The following BANK1 variants were observed in gnomAD, a reference collection of about 807,000 sequenced individuals.
The protein encoded by BANK1 is B-cell scaffold protein with ankyrin repeats.
Under a neutral mutation model 94.5 loss-of-function variants are expected in BANK1, and 95 were observed. The observed-to-expected ratio is 1.00, with a 90% CI of 0.85 to 1.19. BANK1 has a LOEUF of 1.19. Among genes scored for constraint, BANK1 ranks in the 50% most tolerant of loss-of-function variants. The pLI is 0.00. For synonymous variants in BANK1, 334 were observed against 308.4 expected (o/e 1.08, Z -0.87); for missense variants, 987 against 932.2 (o/e 1.06, Z -0.77).
rs1454010016 is a variant in BANK1 at position 102,063,097 on chromosome 4, A to G, written c.2171A>G (p.Asp724Gly). The change falls in exon 13 of 17, where the codon GAC becomes GGC. Residue 724 changes from aspartate to glycine, a missense_variant. By Grantham distance (94) the Asp-to-Gly change is moderately conservative (BLOSUM62 -1). Coordinates refer to ENST00000322953, the MANE Select transcript of BANK1 (RefSeq NM_017935.5). ...IQQEKLRQLRDCIIGKRPEEE... is the reference protein window; with the variant it reads ...IQQEKLRQLRGCIIGKRPEEE... ...AAGGAGAAATTACGACAACTACGAGACTGCATTATTGGGAAAAGGCCAGAA... is the reference window on the plus strand; with the variant it reads ...AAGGAGAAATTACGACAACTACGAGGCTGCATTATTGGGAAAAGGCCAGAA... The G allele has an allele frequency of 1.2e-6, 2 of 1,613,814 alleles. No homozygotes were observed. The highest frequency in any genetic ancestry group is 2.2e-5 in the South Asian group (2 of 91,062).
At chr4:102,061,647 T>C (rs1271944225) in intron 12 of BANK1, 2 of 152,178 alleles carry the variant, frequency 1.3e-5, no homozygotes, top group Non-Finnish European at 2.9e-5. Context: ...ATAATAACGT[T>C]TTCCATTTAG....
At chr4:102,047,619 G>C (rs1483406636) in intron 11 of BANK1, among the ~76,000 whole-genome samples, 3 of 152,092 alleles carry the variant, frequency 2.0e-5, no homozygotes, top group Non-Finnish European at 4.4e-5. Context: ...AGAATGAAGA[G>C]AGGAGATTTT....
intron 7 of BANK1, among the ~76,000 whole-genome samples, chr4:101,936,696 A>G (rs1400455350): frequency 6.6e-6 from 1 of 151,654 alleles, no homozygotes; most frequent in Non-Finnish European, 1.5e-5. Context: ...AATAACAGAC[A>G]TATGAAAAGT....
chr4:101,818,814 T>C (rs1032941173), intron 1 of BANK1, among the ~76,000 whole-genome samples: 1 of 151,970 alleles, frequency 6.6e-6, no homozygotes, highest in African/African-American at 2.4e-5. Flanking sequence ...ATCTGTAGTT[T>C]CAGGGATCCG....
At chr4:102,042,601 T>A (rs988937383) in intron 10 of BANK1, among the ~76,000 whole-genome samples, 1 of 152,014 alleles carries the variant, frequency 6.6e-6, no homozygotes, top group African/African-American at 2.4e-5. Flanking sequence ...GATATGTCCT[T>A]GATCTTATAT....
At chr4:101,811,145 AGCT>A (rs1477576355) in intron 1 of BANK1, among the ~76,000 whole-genome samples, 3 of 152,182 alleles carry the variant, frequency 2.0e-5, no homozygotes, top group Admixed American at 2.0e-4. Context: ...TCTTTGTGCT[AGCT>A]GCTGTGTGCT....
intron 10 of BANK1, among the ~76,000 whole-genome samples, chr4:102,038,511 C>A (rs547829347): frequency 3.7e-4 from 56 of 152,156 alleles, no homozygotes; most frequent in Middle Eastern, 6.8e-3. Flanking sequence ...AGGAGACTAA[C>A]CCCCAGTCCA....
chr4:101,881,295 A>G (rs1728667203), intron 5 of BANK1, among the ~76,000 whole-genome samples: 1 of 152,154 alleles, frequency 6.6e-6, no homozygotes, highest in Non-Finnish European at 1.5e-5. Context: ...TCTCAAAAGA[A>G]GACGTACAGA....
At chr4:101,887,840 G>A (rs1404040471) in intron 5 of BANK1, among the ~76,000 whole-genome samples, 1 of 152,048 alleles carries the variant, frequency 6.6e-6, no homozygotes, top group Non-Finnish European at 1.5e-5. Context: ...GTTGATAAAA[G>A]AAAATATCTC....
intron 6 of BANK1, among the ~76,000 whole-genome samples, chr4:101,898,166 TA>T (rs1166142286): frequency 6.6e-6 from 1 of 151,838 alleles, no homozygotes; most frequent in East Asian, 1.9e-4. Flanking sequence ...ATATATATAA[TA>T]AGAATATGCA....
At chr4:101,990,107 C>T (rs1209551651) in intron 7 of BANK1, among the ~76,000 whole-genome samples, 1 of 152,088 alleles carries the variant, frequency 6.6e-6, no homozygotes, top group African/African-American at 2.4e-5. Flanking sequence ...AATGACTGCA[C>T]TAGTGAAAAA....
chr4:101,928,098 AT>A (rs1453026533), intron 7 of BANK1, among the ~76,000 whole-genome samples: 1 of 151,656 alleles, frequency 6.6e-6, no homozygotes, highest in Non-Finnish European at 1.5e-5. Context: ...AAAATTAGTT[AT>A]CATAATAATA....
At chr4:101,950,399 A>G (rs1255397209) in intron 7 of BANK1, among the ~76,000 whole-genome samples, 1 of 152,142 alleles carries the variant, frequency 6.6e-6, no homozygotes, top group Admixed American at 6.6e-5. Context: ...CTGAGATTCC[A>G]CAGATTTAAA....
At chr4:101,988,401 C>T (rs1725585899) in intron 7 of BANK1, among the ~76,000 whole-genome samples, 1 of 152,142 alleles carries the variant, frequency 6.6e-6, no homozygotes, top group Non-Finnish European at 1.5e-5. Context: ...TTCATAATTA[C>T]ACATATGGTA....
Position 101,803,977 on chromosome 4 carries a change from G to A in BANK1, c.70+13027G>A, listed in dbSNP as rs530220061. Among the ~76,000 whole-genome samples the A allele has an allele frequency of 4.1e-3, 458 of 111,062 alleles. 1 individual carries two copies. The highest frequency in any genetic ancestry group is 9.2e-3 in the Admixed American group (72 of 7,794). 72.9% of individuals were successfully genotyped at this position (111,062 alleles called of 152,430 possible). ...CCCGCCACTGCACTCCAGCCTGGGC[G>A]ACAGAGCGAGACTCCGTCTCAAAAA... On this transcript the variant is annotated intron_variant, in intron 1 of 16. Coordinates refer to ENST00000322953, the MANE Select transcript of BANK1 (RefSeq NM_017935.5).
intron 5 of BANK1, among the ~76,000 whole-genome samples, chr4:101,892,684 CTT>C (rs1176986374): frequency 6.6e-6 from 1 of 151,784 alleles, no homozygotes; most frequent in Admixed American, 6.6e-5. Context: ...GATGAGCAAA[CTT>C]TATACTATTT....
chr4:102,038,353 A>G (rs1168320440), intron 10 of BANK1, among the ~76,000 whole-genome samples: 1 of 152,200 alleles, frequency 6.6e-6, no homozygotes, highest in South Asian at 2.1e-4. Flanking sequence ...AGAGTCTTCC[A>G]TTGGCTGCCC....
intron 16 of BANK1, 23 bp downstream of exon 16, chr4:102,073,771 T>G (rs575092079): frequency 1.3e-6 from 2 of 1,580,086 alleles, no homozygotes; most frequent in South Asian, 2.3e-5. Flanking sequence ...CTGTGTATAT[T>G]TTTTAGAAAA....
chr4:101,814,825 C>T (rs1725847599), intron 1 of BANK1, among the ~76,000 whole-genome samples: 2 of 152,116 alleles, frequency 1.3e-5, no homozygotes, highest in African/African-American at 4.8e-5. Flanking sequence ...TATAAAAACA[C>T]ACCATAATAT....
Sources: allele counts gnomAD v4.1 joint callset (sites outside exome capture counted in the v4.1 genomes callset), GRCh38; gene constraint gnomAD v4.1.1; transcripts MANE v1.5; gene names NCBI Gene and HGNC (gene_info 2026-07-23, HGNC 2026-07-21).